The following FNDC3B variants were observed in gnomAD, a reference collection of about 807,000 sequenced individuals.
FNDC3B encodes the protein fibronectin type III domain containing 3B.
Under a neutral mutation model 151.5 loss-of-function variants are expected in FNDC3B, and 12 were observed. That is an observed-to-expected ratio of 0.08 (90% confidence interval 0.05 to 0.13). The LOEUF (loss-of-function observed/expected upper bound fraction) is 0.13. Ranked by LOEUF, FNDC3B falls within the 10% of genes least tolerant of loss-of-function variation. The pLI, the probability that FNDC3B is intolerant of heterozygous loss-of-function variation, is 1.00. For missense variants in FNDC3B, 1,214 were observed against 1,505.3 expected (o/e 0.81, Z 3.20); for synonymous variants, 528 against 549.0 (o/e 0.96, Z 0.54).
intron 3 of FNDC3B, among the ~76,000 whole-genome samples, chr3:172,180,102 G>A (rs1723814164): frequency 6.6e-6 from 1 of 152,040 alleles, no homozygotes; most frequent in Non-Finnish European, 1.5e-5. Flanking sequence ...ATGTACCTTG[G>A]ACTTAGTGGG....
At chr3:172,101,962 C>G (rs968254822) in intron 1 of FNDC3B, among the ~76,000 whole-genome samples, 2 of 152,154 alleles carry the variant, frequency 1.3e-5, no homozygotes, top group Non-Finnish European at 2.9e-5. Flanking sequence ...GGAGGGGAAC[C>G]AAGCACTCCT....
At chr3:172,229,312 A>T (rs1238408259) in intron 4 of FNDC3B, among the ~76,000 whole-genome samples, 1 of 152,180 alleles carries the variant, frequency 6.6e-6, no homozygotes, top group African/African-American at 2.4e-5. Context: ...AGCATGGTGT[A>T]TAATATCCAT....
At chr3:172,326,438 A>G (rs1051558942) in intron 11 of FNDC3B, among the ~76,000 whole-genome samples, 1 of 152,204 alleles carries the variant, frequency 6.6e-6, no homozygotes, top group Non-Finnish European at 1.5e-5. Context: ...AAAATTCGGC[A>G]TGCTTTGTCT....
chr3:172,080,952 ATT>A (rs1236512299), intron 1 of FNDC3B, among the ~76,000 whole-genome samples: 2 of 152,176 alleles, frequency 1.3e-5, no homozygotes, highest in African/African-American at 4.8e-5. Context: ...GTTGTTTCCC[ATT>A]GTTTGGAAAT....
chr3:172,133,709 T>C (rs1263068765), intron 3 of FNDC3B, 163 bp downstream of exon 3: 1 of 686,928 alleles, frequency 1.5e-6, no homozygotes, highest in Non-Finnish European at 2.6e-6. Flanking sequence ...ATATATATTA[T>C]GATGTTATCC....
At chr3:172,263,833 AG>A in intron 6 of FNDC3B, among the ~76,000 whole-genome samples, 1 of 152,248 alleles carries the variant, frequency 6.6e-6, no homozygotes, top group African/African-American at 2.4e-5. Flanking sequence ...AGAGTAAGTT[AG>A]GTAAGTTGCT....
intron 1 of FNDC3B, among the ~76,000 whole-genome samples, chr3:172,043,944 G>A (rs549209815): frequency 2.0e-4 from 30 of 152,224 alleles, no homozygotes; most frequent in African/African-American, 7.2e-4. Context: ...TCATACCCGC[G>A]TCCATCCGTT....
chr3:172,198,201 T>C (rs1265270993), intron 3 of FNDC3B, among the ~76,000 whole-genome samples: 2 of 143,922 alleles, frequency 1.4e-5, no homozygotes, highest in Non-Finnish European at 3.0e-5. Context: ...TAGTCCTGAA[T>C]GAGCCATTTC....
chr3:172,133,688 C>G, intron 3 of FNDC3B, 142 bp downstream of exon 3: 3 of 738,642 alleles, frequency 4.1e-6, no homozygotes. Context: ...TTTTCTGTCG[C>G]ATGGTCTCAA....
chr3:172,154,069 C>A (rs1722363398), intron 3 of FNDC3B, among the ~76,000 whole-genome samples: 1 of 152,136 alleles, frequency 6.6e-6, no homozygotes, highest in Non-Finnish European at 1.5e-5. Context: ...CTTGTTTCAG[C>A]CACTACTGAA....
intron 4 of FNDC3B, among the ~76,000 whole-genome samples, chr3:172,238,737 T>G (rs1727298383): frequency 6.6e-6 from 1 of 152,164 alleles, no homozygotes. Flanking sequence ...GAAGAGTTAG[T>G]GCAAATTGGG....
At chr3:172,164,512 T>C (rs1460611688) in intron 3 of FNDC3B, among the ~76,000 whole-genome samples, 1 of 152,148 alleles carries the variant, frequency 6.6e-6, no homozygotes, top group African/African-American at 2.4e-5. Flanking sequence ...GAGGAAGAAG[T>C]TTACTGAGGA....
intron 2 of FNDC3B, among the ~76,000 whole-genome samples, chr3:172,115,429 A>G (rs1246128422): frequency 6.6e-6 from 1 of 152,184 alleles, no homozygotes; most frequent in African/African-American, 2.4e-5. Flanking sequence ...GTGGGGCTGC[A>G]TGAGTTTTGA....
chr3:172,133,577 A>T (rs758274956), intron 3 of FNDC3B, 31 bp downstream of exon 3: 2 of 1,498,302 alleles, frequency 1.3e-6, no homozygotes, highest in Admixed American at 3.4e-5. Flanking sequence ...TATTCTAATC[A>T]AAGATTTTTT....
chr3:172,084,198 C>T (rs957779225), intron 1 of FNDC3B, among the ~76,000 whole-genome samples: 1 of 152,030 alleles, frequency 6.6e-6, no homozygotes, highest in Non-Finnish European at 1.5e-5. Flanking sequence ...TCTTTAATCC[C>T]AGTAGCTTGG....
At chr3:172,343,413 C>G (rs1733440808) in intron 18 of FNDC3B, among the ~76,000 whole-genome samples, 1 of 152,108 alleles carries the variant, frequency 6.6e-6, no homozygotes, top group Non-Finnish European at 1.5e-5. Context: ...AACAGCCAGT[C>G]TTTTTCAGAA....
chr3:172,324,540 T>TC (rs1732247364), intron 11 of FNDC3B, among the ~76,000 whole-genome samples: 1 of 148,378 alleles, frequency 6.7e-6, no homozygotes, highest in Admixed American at 6.8e-5. Context: ...TGGTTTGTAC[T>TC]CCAAGATTTC....
chr3:172,134,282 G>A, intron 3 of FNDC3B: 1 of 486,220 alleles, frequency 2.1e-6, no homozygotes, highest in South Asian at 1.5e-5. Flanking sequence ...GGAAATAAAT[G>A]ATGTAGGTAC....
rs77483095 is a variant in FNDC3B at position 172,345,140 on chromosome 3, G to T, written c.2250+882G>T. ...AAGAAAGTAAAGGAATAAAAGAAGGGCTATTCCTTAGGCAGAGTGCCCAAA... is the reference window on the plus strand; with the variant it reads ...AAGAAAGTAAAGGAATAAAAGAAGGTCTATTCCTTAGGCAGAGTGCCCAAA... On this transcript the variant is annotated intron_variant, in intron 19 of 25. Coordinates refer to ENST00000415807, the MANE Select transcript of FNDC3B (RefSeq NM_022763.4). 3.8e-3 allele frequency among the ~76,000 whole-genome samples: 576 copies of T among 152,252 alleles called. 1 individual carries two copies. The highest frequency in any genetic ancestry group is 0.013 in the African/African-American group (541 of 41,546).
Sources: allele counts gnomAD v4.1 joint callset (sites outside exome capture counted in the v4.1 genomes callset), GRCh38; gene constraint gnomAD v4.1.1; transcripts MANE v1.5; gene names NCBI Gene and HGNC (gene_info 2026-07-23, HGNC 2026-07-21).